The following PCDHGA2 variants were observed in gnomAD, a reference collection of about 807,000 sequenced individuals.
PCDHGA2 encodes protocadherin gamma-A2.
In PCDHGA2, 40 loss-of-function variants were observed where a neutral mutation model predicts 59.2. The ratio of observed to expected loss-of-function variants is 0.68; its 90% CI spans 0.52 to 0.88. PCDHGA2 has a LOEUF of 0.88. Ranked by LOEUF, PCDHGA2 falls within the 40% of genes least tolerant of loss-of-function variation. The pLI, the probability that PCDHGA2 is intolerant of heterozygous loss-of-function variation, is 0.00. For missense variants in PCDHGA2, 1,226 were observed against 1,204.0 expected (o/e 1.02, Z -0.27); for synonymous variants, 560 against 526.0 (o/e 1.06, Z -0.89).
At chr5:141,428,184 C>A in intron 1 of PCDHGA2, 32 of 1,463,670 alleles carry the variant, frequency 2.2e-5, no homozygotes, top group Non-Finnish European at 3.0e-5. Context: ...GGAGGACAGC[C>A]GCCGCTCTCT....
chr5:141,441,517 G>A (rs1316654534), intron 1 of PCDHGA2: 1 of 172,138 alleles, frequency 5.8e-6, no homozygotes, highest in South Asian at 1.3e-4. Flanking sequence ...CGTCGTCCAC[G>A]TGGCCAAGAA....
rs372479779 is a variant in PCDHGA2, at chr5:141,399,808, C to T, written c.2424+58413C>T. On this transcript the variant is annotated intron_variant, in intron 1 of 3. Coordinates refer to ENST00000394576, the MANE Select transcript of PCDHGA2 (RefSeq NM_018915.4). The stretch of plus-strand genomic sequence containing the variant: ...CGACAACGCACCGCGGGTGCTGTAC[C>T]CCGCGCTGGGTCCCGACGGCTCTGC... 72 of 1,613,090 alleles carry T rather than the reference C, an allele frequency of 4.5e-5. No homozygotes were observed. The highest frequency in any genetic ancestry group is 6.0e-5 in the Non-Finnish European group (71 of 1,179,762).
At chr5:141,404,841 G>C (rs765291212) in intron 1 of PCDHGA2, 4 of 1,613,886 alleles carry the variant, frequency 2.5e-6, no homozygotes, top group African/African-American at 1.3e-5. Context: ...CGCACAGCTC[G>C]GGCCCTGCTA....
chr5:141,445,120 AT>A (rs1287463110), intron 1 of PCDHGA2, among the ~76,000 whole-genome samples: 1 of 152,228 alleles, frequency 6.6e-6, no homozygotes, highest in African/African-American at 2.4e-5. Flanking sequence ...TGTAAATAGT[AT>A]TTTTAAAATT....
intron 1 of PCDHGA2, chr5:141,365,276 C>T: frequency 6.2e-7 from 1 of 1,613,968 alleles, no homozygotes; most frequent in East Asian, 2.2e-5. Flanking sequence ...CAGATTCTAC[C>T]TCATGGAAGT....
rs201458472 is a variant in PCDHGA2 at position 141,403,860 on chromosome 5, C to T, written c.2424+62465C>T. 1.5e-5 allele frequency: 25 copies of T among 1,613,382 alleles called. No individual in the cohort carries two copies. In the Admixed American group the frequency reaches 2.7e-4, roughly 17 times the overall value. Reference sequence around the variant, plus strand: ...AATGAAAATACTGGGGAAATATCAACAGCAAAAAGTCTAGATTATGAAGAA... The same window carrying T: ...AATGAAAATACTGGGGAAATATCAATAGCAAAAAGTCTAGATTATGAAGAA... On this transcript the variant is annotated intron_variant, in intron 1 of 3. Coordinates refer to ENST00000394576, the MANE Select transcript of PCDHGA2 (RefSeq NM_018915.4).
chr5:141,403,273 A>C, intron 1 of PCDHGA2: 1 of 1,613,886 alleles, frequency 6.2e-7, no homozygotes, highest in African/African-American at 1.3e-5. Context: ...TGAACTTTAA[A>C]GTCCTGGTTG....
chr5:141,391,293 A>G (rs1043661475), intron 1 of PCDHGA2: 15 of 151,834 alleles, frequency 9.9e-5, no homozygotes, highest in Admixed American at 3.3e-4. Context: ...AAAGAAGGAA[A>G]CGTCTTTCGA....
chr5:141,381,555 T>C (rs992456160), intron 1 of PCDHGA2, among the ~76,000 whole-genome samples: 2 of 152,192 alleles, frequency 1.3e-5, no homozygotes, highest in African/African-American at 4.8e-5. Flanking sequence ...TTGAATTGAA[T>C]TGCATAATGA....
chr5:141,410,793 G>T, intron 1 of PCDHGA2: 2 of 637,704 alleles, frequency 3.1e-6, no homozygotes, highest in Admixed American at 4.3e-5. Flanking sequence ...TGGTTCATAA[G>T]TTGCTCTATC....
chr5:141,469,283 T>C (rs576231993), intron 1 of PCDHGA2, among the ~76,000 whole-genome samples: 1 of 149,898 alleles, frequency 6.7e-6, no homozygotes, highest in African/African-American at 2.5e-5. Flanking sequence ...TCTCAAAAAA[T>C]AAAACAAAAT....
At chr5:141,397,361 G>A (rs2093513931) in intron 1 of PCDHGA2, among the ~76,000 whole-genome samples, 1 of 152,164 alleles carries the variant, frequency 6.6e-6, no homozygotes. Flanking sequence ...TCAGGAAGAG[G>A]AGATGTTTGG....
chr5:141,382,326 T>G (rs1007367155), intron 1 of PCDHGA2, among the ~76,000 whole-genome samples: 1 of 152,352 alleles, frequency 6.6e-6, no homozygotes, highest in Admixed American at 6.5e-5. Context: ...TGTAAATATT[T>G]TCTAAGTAAA....
Position 141,339,128 on chromosome 5 carries a change from G to T in PCDHGA2, c.157G>T (p.Gly53Cys). ...CGTAGGCAACATCGCCAAGGACTTGGGTTTGGAGCCCCTGGCACTGGCAGA... is the reference window on the plus strand; with the variant it reads ...CGTAGGCAACATCGCCAAGGACTTGTGTTTGGAGCCCCTGGCACTGGCAGA... Reference protein sequence around the residue: ...SFVGNIAKDLGLEPLALAEQG... With the variant: ...SFVGNIAKDLCLEPLALAEQG... Residue 53 changes from glycine (G) to cysteine (C), a missense_variant, in exon 1 of 4, where the codon GGT (glycine) becomes TGT (cysteine). Physicochemically the swap from Gly to Cys is radical, Grantham distance 159 (BLOSUM62 -3). Coordinates refer to ENST00000394576, the MANE Select transcript of PCDHGA2 (RefSeq NM_018915.4). 6.2e-7 allele frequency: 1 copy of T among 1,614,250 alleles called. No homozygotes were observed. Among genetic ancestry groups the T allele is most frequent in the Middle Eastern group, 1.6e-4 (1 of 6,062 alleles).
intron 1 of PCDHGA2, chr5:141,377,764 T>C (rs1774337022): frequency 6.6e-6 from 1 of 152,240 alleles, no homozygotes; most frequent in Non-Finnish European, 1.5e-5. Context: ...CACCAGATCT[T>C]TGGTGTTAAA....
intron 1 of PCDHGA2, chr5:141,416,686 T>C (rs1341005031): frequency 6.6e-6 from 1 of 152,244 alleles, no homozygotes; most frequent in African/African-American, 2.4e-5. Flanking sequence ...AGGGAAATTA[T>C]ATAAACAAAG....
At chr5:141,417,789 C>G in intron 1 of PCDHGA2, 1 of 1,477,596 alleles carries the variant, frequency 6.8e-7, no homozygotes, top group Non-Finnish European at 9.0e-7. Context: ...GGGCCGAATG[C>G]TCTTTTAGCG....
At chr5:141,361,516 G>C in intron 1 of PCDHGA2, 2 of 1,614,060 alleles carry the variant, frequency 1.2e-6, no homozygotes. Flanking sequence ...CATGGTTCAC[G>C]TGGCAGAGAA....
intron 1 of PCDHGA2, chr5:141,362,645 G>GTAGGA: frequency 1.4e-6 from 2 of 1,454,486 alleles, no homozygotes; most frequent in Non-Finnish European, 1.8e-6. Flanking sequence ...CTTTGTCTGT[G>GTAGGA]AGTTAGATTT....
Sources: gnomAD v4.1 joint callset for allele counts (sites outside exome capture counted in the v4.1 genomes callset) on GRCh38, gnomAD v4.1.1 for gene constraint, MANE v1.5 for transcripts, NCBI Gene and HGNC (gene_info 2026-07-23, HGNC 2026-07-21) for gene names.